The following ACVR2A variants were observed in gnomAD, a reference collection of about 807,000 sequenced individuals.
ACVR2A encodes the protein activin A receptor type 2A.
ACVR2A carries 7 observed loss-of-function variants against 61.4 expected under a neutral mutation model. The observed-to-expected ratio is 0.11, with a 90% confidence interval of 0.06 to 0.21. ACVR2A has a LOEUF of 0.21. Among genes scored for constraint, ACVR2A ranks in the 10% least tolerant of loss-of-function variants. The probability of loss-of-function intolerance (pLI) is 1.00; values close to 1 mark genes in which losing one functional copy is unlikely to be tolerated. For missense variants in ACVR2A, 322 were observed against 621.7 expected (o/e 0.52, Z 5.13); for synonymous variants, 193 against 208.3 (o/e 0.93, Z 0.63).
At chr2:147,855,677 T>C (rs866070969) in intron 1 of ACVR2A, among the ~76,000 whole-genome samples, 6 of 152,026 alleles carry the variant, frequency 3.9e-5, no homozygotes, top group Non-Finnish European at 7.4e-5. Flanking sequence ...TTTTTTTTCC[T>C]ACTTGTCATT....
intron 5 of ACVR2A, among the ~76,000 whole-genome samples, chr2:147,917,041 T>G (rs557701724): frequency 1.3e-5 from 2 of 152,084 alleles, no homozygotes; most frequent in South Asian, 4.1e-4. Flanking sequence ...GATCACCTTC[T>G]GTGTTTGTAA....
intron 4 of ACVR2A, among the ~76,000 whole-genome samples, chr2:147,908,281 T>C (rs1467505180): frequency 2.0e-5 from 3 of 152,274 alleles, no homozygotes; most frequent in Non-Finnish European, 4.4e-5. Flanking sequence ...TCATAAAACC[T>C]GATTCTTTTA....
rs1687571399 is a variant in ACVR2A, at chr2:147,928,811, G to A, written c.*1537G>A. 1 of 152,214 alleles carries A rather than the reference G, an allele frequency of 6.6e-6. No homozygotes were observed. The highest frequency in any genetic ancestry group is 6.6e-5 in the Admixed American group (1 of 15,200). The allele number at this position is 152,214 out of a possible 1,614,324, so 9.4% of individuals were successfully genotyped here. ...TCCTCAAATTTATACAGGCCAAAAA[G>A]TAAAACATTAATTTTCTGAATTTCC... On this transcript the variant is annotated 3_prime_UTR_variant, in exon 11 of 11. Coordinates refer to ENST00000241416, the MANE Select transcript of ACVR2A (RefSeq NM_001616.5).
chr2:147,894,466 A>G (rs1428317433), intron 1 of ACVR2A, among the ~76,000 whole-genome samples: 1 of 152,158 alleles, frequency 6.6e-6, no homozygotes, highest in African/African-American at 2.4e-5. Flanking sequence ...TTTGTCATGC[A>G]CATTGAGTGG....
chr2:147,898,455 C>CT (rs1328087795), intron 2 of ACVR2A: 2 of 151,838 alleles, frequency 1.3e-5, no homozygotes, highest in Non-Finnish European at 2.9e-5. Flanking sequence ...TAAAATTTAG[C>CT]TTTCATTTAT....
At chr2:147,884,402 C>G (rs781580831) in intron 1 of ACVR2A, among the ~76,000 whole-genome samples, 37 of 152,222 alleles carry the variant, frequency 2.4e-4, no homozygotes, top group South Asian at 2.1e-4. Flanking sequence ...TGTAGATACT[C>G]TACACATTTT....
At chr2:147,846,836 C>G (rs1257570802) in intron 1 of ACVR2A, among the ~76,000 whole-genome samples, 2 of 152,114 alleles carry the variant, frequency 1.3e-5, no homozygotes, top group Non-Finnish European at 1.5e-5. Context: ...GTTCAAATCC[C>G]TTGTTCTGAT....
intron 4 of ACVR2A, among the ~76,000 whole-genome samples, chr2:147,906,329 G>A (rs1347878511): frequency 2.6e-5 from 4 of 152,106 alleles, no homozygotes; most frequent in African/African-American, 7.2e-5. Flanking sequence ...GGTGTGCCAG[G>A]CACCATGCTG....
chr2:147,920,202 T>C, intron 7 of ACVR2A, 28 bp from the exon 8 acceptor site: 1 of 1,528,374 alleles, frequency 6.5e-7, no homozygotes, highest in Non-Finnish European at 9.0e-7. Context: ...AGTTTAAACT[T>C]AATTTGAATA....
chr2:147,895,281 C>T (rs1686701060), intron 1 of ACVR2A, among the ~76,000 whole-genome samples: 1 of 152,104 alleles, frequency 6.6e-6, no homozygotes, highest in Non-Finnish European at 1.5e-5. Flanking sequence ...TAGTGCACTA[C>T]TGTAATAATT....
intron 4 of ACVR2A, among the ~76,000 whole-genome samples, chr2:147,913,609 C>G (rs1443119850): frequency 6.6e-6 from 1 of 151,466 alleles, no homozygotes; most frequent in Non-Finnish European, 1.5e-5. Context: ...AGTAGAATTT[C>G]TCGGATAGAG....
chr2:147,925,299 T>G (rs1187958353), intron 9 of ACVR2A, among the ~76,000 whole-genome samples: 1 of 151,990 alleles, frequency 6.6e-6, no homozygotes, highest in Non-Finnish European at 1.5e-5. Context: ...AAGTAAGTAA[T>G]ATATGTAAAG....
At chr2:147,871,019 T>C (rs1381933430) in intron 1 of ACVR2A, among the ~76,000 whole-genome samples, 1 of 152,150 alleles carries the variant, frequency 6.6e-6, no homozygotes, top group Non-Finnish European at 1.5e-5. Context: ...ATGTTTGATA[T>C]TCAGAATGAA....
At chr2:147,847,184 T>C (rs1001859512) in intron 1 of ACVR2A, among the ~76,000 whole-genome samples, 9 of 152,174 alleles carry the variant, frequency 5.9e-5, no homozygotes, top group African/African-American at 2.2e-4. Flanking sequence ...ATTAAACTAA[T>C]ATTATGTTGT....
intron 1 of ACVR2A, among the ~76,000 whole-genome samples, chr2:147,862,015 C>T (rs1239523369): frequency 6.6e-6 from 1 of 152,078 alleles, no homozygotes; most frequent in Non-Finnish European, 1.5e-5. Context: ...ATGCAATTTG[C>T]CTGAAGTCAC....
At chr2:147,881,455 AT>A (rs1686295850) in intron 1 of ACVR2A, among the ~76,000 whole-genome samples, 1 of 151,998 alleles carries the variant, frequency 6.6e-6, no homozygotes, top group Non-Finnish European at 1.5e-5. Context: ...CTGCCTGTAC[AT>A]CAGTGTGTCT....
chr2:147,916,087 T>C (rs567726730), intron 5 of ACVR2A, among the ~76,000 whole-genome samples: 2 of 152,058 alleles, frequency 1.3e-5, no homozygotes, highest in Admixed American at 1.3e-4. Context: ...AGTTATCATA[T>C]AAGCAGTTTC....
chr2:147,930,293 AGGG>A lies in ACVR2A; in HGVS notation c.*3021_*3023del, dbSNP rs1687641353. 7 of 151,772 alleles carry A rather than the reference AGGG, an allele frequency of 4.6e-5. No homozygotes were observed. The South Asian group carries it at 1.5e-3, about 32-fold the overall frequency. The allele number at this position is 151,772 out of a possible 1,614,324, so 9.4% of individuals were successfully genotyped here. ...TACATTTAAGTAAAATGCAGGTGGT[AGGG>A]GAAAAAAAACCATGGCGAGATGGTG... On this transcript the variant is annotated 3_prime_UTR_variant, in exon 11 of 11. Coordinates refer to ENST00000241416, the MANE Select transcript of ACVR2A (RefSeq NM_001616.5).
At chr2:147,893,937 G>A (rs529527062) in intron 1 of ACVR2A, among the ~76,000 whole-genome samples, 16 of 152,138 alleles carry the variant, frequency 1.1e-4, no homozygotes, top group East Asian at 1.9e-4. Context: ...GAAATCTTTC[G>A]TAATTCAGGG....
Sources: gnomAD v4.1 joint callset for allele counts (sites outside exome capture counted in the v4.1 genomes callset) on GRCh38, gnomAD v4.1.1 for gene constraint, MANE v1.5 for transcripts, NCBI Gene and HGNC (gene_info 2026-07-23, HGNC 2026-07-21) for gene names.